MTUS2: variants seen among roughly 807,000 people sequenced by gnomAD.
The protein encoded by MTUS2 is microtubule associated scaffold protein 2.
In MTUS2, 40 loss-of-function variants were observed where a neutral mutation model predicts 114.1. The observed-to-expected ratio is 0.35, with a 90% CI of 0.27 to 0.46. MTUS2 has a LOEUF of 0.46. MTUS2 is among the 20% of genes least tolerant of loss of function. The probability of loss-of-function intolerance (pLI) is 1.00; values close to 1 mark genes in which losing one functional copy is unlikely to be tolerated. For missense variants in MTUS2, 1,679 were observed against 1,705.4 expected, an observed-to-expected ratio of 0.98 and a Z score of 0.27; for synonymous variants, 688 against 672.0, an observed-to-expected ratio of 1.02 and a Z score of -0.37.
At chr13:29,299,382 G>A (rs1474920233) in intron 6 of MTUS2, among the ~76,000 whole-genome samples, 1 of 152,180 alleles carries the variant, frequency 6.6e-6, no homozygotes, top group East Asian at 1.9e-4. Context: ...TATATTAATT[G>A]CGTACCCTCT....
intron 4 of MTUS2, among the ~76,000 whole-genome samples, chr13:29,062,252 C>T (rs1888455615): frequency 6.6e-6 from 1 of 152,188 alleles, no homozygotes; most frequent in Non-Finnish European, 1.5e-5. Flanking sequence ...TCCCAAAGTG[C>T]TGGGATTACA....
At chr13:29,478,466 T>C (rs1880875535) in intron 9 of MTUS2, among the ~76,000 whole-genome samples, 1 of 152,144 alleles carries the variant, frequency 6.6e-6, no homozygotes, top group African/African-American at 2.4e-5. Flanking sequence ...TCTGTGTGAT[T>C]TAAAAAATAA....
chr13:28,901,004 A>G (rs1340458412), intron 2 of MTUS2, among the ~76,000 whole-genome samples: 1 of 152,230 alleles, frequency 6.6e-6, no homozygotes, highest in African/African-American at 2.4e-5. Flanking sequence ...TTCCCACAGT[A>G]CAAGTGAACC....
intron 9 of MTUS2, among the ~76,000 whole-genome samples, chr13:29,466,348 G>C (rs2138817516): frequency 6.6e-6 from 1 of 152,324 alleles, no homozygotes; most frequent in East Asian, 1.9e-4. Context: ...ATAACTGCCT[G>C]AAAGCCTTGC....
chr13:28,864,348 G>A (rs1877171710), intron 2 of MTUS2, among the ~76,000 whole-genome samples: 1 of 152,122 alleles, frequency 6.6e-6, no homozygotes, highest in African/African-American at 2.4e-5. Flanking sequence ...TATTTTATGG[G>A]GTAGGCAAGG....
At chr13:29,331,497 T>C (rs1439755702) in intron 7 of MTUS2, among the ~76,000 whole-genome samples, 1 of 152,166 alleles carries the variant, frequency 6.6e-6, no homozygotes, top group African/African-American at 2.4e-5. Context: ...AAGAGCCACA[T>C]AGCCAAGACA....
intron 9 of MTUS2, among the ~76,000 whole-genome samples, chr13:29,441,846 A>AC (rs1349977790): frequency 6.6e-6 from 1 of 152,030 alleles, no homozygotes; most frequent in Admixed American, 6.6e-5. Flanking sequence ...CTTTAAAAGG[A>AC]CCTTCTGCCT....
chr13:29,158,758 C>T (rs1892976446), intron 5 of MTUS2, among the ~76,000 whole-genome samples: 1 of 152,126 alleles, frequency 6.6e-6, no homozygotes, highest in Non-Finnish European at 1.5e-5. Context: ...CTTCATTTTT[C>T]CCTCTGGCTT....
At chr13:29,443,542 G>A (rs561364933) in intron 9 of MTUS2, among the ~76,000 whole-genome samples, 9 of 152,236 alleles carry the variant, frequency 5.9e-5, no homozygotes, top group Non-Finnish European at 1.2e-4. Flanking sequence ...GAAGGCCTTG[G>A]CAGCACCACC....
intron 8 of MTUS2, among the ~76,000 whole-genome samples, chr13:29,428,160 T>C (rs1876686336): frequency 6.6e-6 from 1 of 152,222 alleles, no homozygotes; most frequent in Non-Finnish European, 1.5e-5. Flanking sequence ...GCAAAAAAAA[T>C]TGTTCATGGC....
At chr13:29,115,488 A>G (rs1891051220) in intron 5 of MTUS2, among the ~76,000 whole-genome samples, 2 of 152,242 alleles carry the variant, frequency 1.3e-5, no homozygotes, top group South Asian at 4.1e-4. Flanking sequence ...GGAGTAACCA[A>G]TAACCAGACT....
intron 4 of MTUS2, among the ~76,000 whole-genome samples, chr13:29,055,908 GT>G (rs1289242394): frequency 2.7e-5 from 4 of 150,044 alleles, no homozygotes; most frequent in Non-Finnish European, 3.0e-5. Flanking sequence ...GGGATTGCTT[GT>G]TTTTTTTTCT....
In MTUS2 at chr13:29,504,623, A is replaced by G. The variant is rs542830671; in HGVS notation, c.*1417A>G. The G allele has an allele frequency of 8.6e-6, 2 of 233,028 alleles. No homozygotes were observed. The highest frequency in any genetic ancestry group is 1.3e-3 in the Middle Eastern group (1 of 786). 14.4% of individuals were successfully genotyped at this position (233,028 alleles called of 1,614,324 possible). A position where few individuals can be genotyped will look rare whatever the true frequency, so the allele number is the denominator to read the frequency against. ...TGGCATCTGTCTCTAAAATGGTAGAATTAGGATATGAACAGTACTCATGTA... is the reference window on the plus strand; with the variant it reads ...TGGCATCTGTCTCTAAAATGGTAGAGTTAGGATATGAACAGTACTCATGTA... On this transcript the variant is annotated 3_prime_UTR_variant, in exon 16 of 16. Transcript: ENST00000612955.
chr13:29,284,442 T>A (rs1379513966), intron 6 of MTUS2, among the ~76,000 whole-genome samples: 1 of 151,158 alleles, frequency 6.6e-6, no homozygotes, highest in African/African-American at 2.4e-5. Flanking sequence ...AAAGAAGGAA[T>A]AAAAGGAGAG....
intron 5 of MTUS2, among the ~76,000 whole-genome samples, chr13:29,257,526 C>T (rs1217444205): frequency 6.6e-6 from 1 of 152,178 alleles, no homozygotes; most frequent in Non-Finnish European, 1.5e-5. Flanking sequence ...ATCAACAATC[C>T]AGTGTTGTTG....
At chr13:29,186,472 T>C (rs2104658) in intron 5 of MTUS2, among the ~76,000 whole-genome samples, 23,763 of 152,180 alleles carry the variant, frequency 0.16, 1,966 homozygotes, top group East Asian at 0.31. Flanking sequence ...CAAAAGATAT[T>C]TAATGTGGTC....
At chr13:29,069,128 G>A (rs1888795417) in intron 4 of MTUS2, among the ~76,000 whole-genome samples, 1 of 152,128 alleles carries the variant, frequency 6.6e-6, no homozygotes, top group African/African-American at 2.4e-5. Flanking sequence ...TCCTTTATTA[G>A]TCAGGGTTTT....
chr13:29,410,185 C>T (rs1205941575), intron 8 of MTUS2, among the ~76,000 whole-genome samples: 3 of 151,712 alleles, frequency 2.0e-5, no homozygotes, highest in Non-Finnish European at 4.4e-5. Context: ...AGTGCAATGG[C>T]ACCGTCTCAG....
chr13:28,841,033 C>T (rs1875444674), intron 2 of MTUS2, among the ~76,000 whole-genome samples: 1 of 152,204 alleles, frequency 6.6e-6, no homozygotes, highest in Non-Finnish European at 1.5e-5. Flanking sequence ...CTATAGACCA[C>T]CACCTGTGTG....
Sources: gnomAD v4.1 joint callset for allele counts (sites outside exome capture counted in the v4.1 genomes callset) on GRCh38, gnomAD v4.1.1 for gene constraint, MANE v1.5 for transcripts, NCBI Gene and HGNC (gene_info 2026-07-23, HGNC 2026-07-21) for gene names.